SCAF8: variants seen among roughly 807,000 people sequenced by gnomAD.
SCAF8 encodes the protein SR-related and CTD-associated factor 8.
SCAF8 carries 23 observed loss-of-function variants against 140.5 expected under a neutral mutation model. The observed-to-expected ratio is 0.16, with a 90% confidence interval of 0.12 to 0.23. The LOEUF is 0.23. SCAF8 is among the 10% of genes least tolerant of loss of function. SCAF8 has a pLI of 1.00. For synonymous variants in SCAF8, 575 were observed against 528.9 expected, an observed-to-expected ratio of 1.09 and a Z score of -1.20; for missense variants, 1,397 against 1,555.7, an observed-to-expected ratio of 0.90 and a Z score of 1.72.
At chr6:154,742,043 G>A (rs1189539679) in intron 1 of SCAF8, 1 of 1,487,222 alleles carries the variant, frequency 6.7e-7, no homozygotes, top group East Asian at 2.5e-5. Context: ...ACCCACATAA[G>A]GCAGGCCCTT....
intron 1 of SCAF8, among the ~76,000 whole-genome samples, chr6:154,750,363 G>A (rs928133173): frequency 6.6e-6 from 1 of 152,148 alleles, no homozygotes; most frequent in African/African-American, 2.4e-5. Flanking sequence ...TGAGGGGACC[G>A]TGTAGTTGTT....
chr6:154,788,405 C>T (rs1777317566), intron 4 of SCAF8, among the ~76,000 whole-genome samples: 2 of 152,154 alleles, frequency 1.3e-5, no homozygotes, highest in Non-Finnish European at 2.9e-5. Flanking sequence ...AGAACATATC[C>T]TTGTCGTTAA....
At chr6:154,829,283 G>C (rs1298919989) in intron 18 of SCAF8, among the ~76,000 whole-genome samples, 1 of 149,778 alleles carries the variant, frequency 6.7e-6, no homozygotes, top group Non-Finnish European at 1.5e-5. Context: ...AGCTTACTTG[G>C]TTTTGATATC....
chr6:154,734,343 A>T (rs1778351063), intron 1 of SCAF8, among the ~76,000 whole-genome samples: 1 of 152,148 alleles, frequency 6.6e-6, no homozygotes, highest in Non-Finnish European at 1.5e-5. Flanking sequence ...CCGGGTCCTC[A>T]CTGAGGCTAA....
intron 1 of SCAF8, chr6:154,741,968 A>G (rs1275924719): frequency 2.6e-6 from 4 of 1,532,992 alleles, no homozygotes; most frequent in East Asian, 4.9e-5. Context: ...TTGTGCCTCT[A>G]CTCCTGCTTG....
At position 154,733,542 on chromosome 6, in the gene SCAF8, G is replaced by A; in HGVS notation, c.-359G>A. 1 of 1,296,250 alleles carries A rather than the reference G, an allele frequency of 7.7e-7. No homozygotes were observed. Among genetic ancestry groups the A allele is most frequent in the Non-Finnish European group, 9.8e-7 (1 of 1,022,560 alleles). The allele number at this position is 1,296,250 out of a possible 1,614,324, so 80.3% of individuals were successfully genotyped here. A position where few individuals can be genotyped will look rare whatever the true frequency, so the allele number is the denominator to read the frequency against. ...CCGTCGGAGGAAGGGGCAGAAGGGA[G>A]TGGAGAGTGTAGGGGAAGGGGCTAG... On this transcript the variant is annotated 5_prime_UTR_variant, in exon 1 of 20. It adds an upstream start codon to the 5' untranslated region. Transcript: ENST00000367178.
At chr6:154,821,360 G>A (rs908579668) in intron 15 of SCAF8, among the ~76,000 whole-genome samples, 8 of 145,398 alleles carry the variant, frequency 5.5e-5, no homozygotes, top group Admixed American at 4.8e-4. Flanking sequence ...TTTTTTTTTT[G>A]CAATAACAGT....
intron 6 of SCAF8, among the ~76,000 whole-genome samples, chr6:154,795,706 G>A (rs1205847753): frequency 6.6e-6 from 1 of 152,188 alleles, no homozygotes; most frequent in African/African-American, 2.4e-5. Context: ...GCAATGTGGT[G>A]TATTGTAGGA....
At chr6:154,777,915 G>T in intron 2 of SCAF8, 86 bp from the exon 3 acceptor site, 1 of 785,252 alleles carries the variant, frequency 1.3e-6, no homozygotes, top group Non-Finnish European at 2.2e-6. Flanking sequence ...ATAGACCTTT[G>T]GAGCATGTAA....
At chr6:154,778,769 A>ATGTGTG (rs71021079) in intron 3 of SCAF8, among the ~76,000 whole-genome samples, 5,208 of 142,098 alleles carry the variant, frequency 0.037, 114 homozygotes, top group Non-Finnish European at 0.042. Context: ...GTCTCAAAAA[A>ATGTGTG]TGTGTGTGTG....
At position 154,808,053 on chromosome 6, in the gene SCAF8, G is replaced by A. The variant is rs1421623358; in HGVS notation, c.982-17G>A. 1 of 1,602,056 alleles carries A rather than the reference G, an allele frequency of 6.2e-7. No individual in the cohort carries two copies. The highest frequency in any genetic ancestry group is 1.3e-5 in the African/African-American group (1 of 74,366). On this transcript the variant is annotated splice_polypyrimidine_tract_variant and intron_variant, in intron 9 of 19. Coordinates refer to ENST00000367178, the MANE Select transcript of SCAF8 (RefSeq NM_014892.5). ...AGTATCTCCCAATCTTTGTGTGTTTGTATATGTTCTCAATAGGCCACTCCT... is the reference window on the plus strand; with the variant it reads ...AGTATCTCCCAATCTTTGTGTGTTTATATATGTTCTCAATAGGCCACTCCT...
At chr6:154,773,525 G>C (rs952058088) in intron 1 of SCAF8, among the ~76,000 whole-genome samples, 2 of 152,102 alleles carry the variant, frequency 1.3e-5, no homozygotes, top group African/African-American at 4.8e-5. Flanking sequence ...ACGTGTACAG[G>C]TTATTATTAT....
In SCAF8 at chr6:154,750,018, G is replaced by A. The variant is rs145820341; in HGVS notation, c.30+16088G>A. ...GATATGAGGAAGATGGGTGTTGCCA[G>A]GGCTTTGGTTTAAGGTTGATTTAAG... On this transcript the variant is annotated intron_variant, in intron 1 of 19. Coordinates refer to ENST00000367178, the MANE Select transcript of SCAF8 (RefSeq NM_014892.5). 1.8e-4 allele frequency among the ~76,000 whole-genome samples: 28 copies of A among 151,998 alleles called. No homozygotes were observed. The East Asian group carries it at 5.4e-3, about 29-fold the overall frequency.
At chr6:154,749,576 T>C (rs1419994605) in intron 1 of SCAF8, among the ~76,000 whole-genome samples, 1 of 152,194 alleles carries the variant, frequency 6.6e-6, no homozygotes, top group Non-Finnish European at 1.5e-5. Flanking sequence ...CACCTATGTA[T>C]AGTTTGTGTA....
At chr6:154,805,813 C>T (rs1371748038) in intron 9 of SCAF8, among the ~76,000 whole-genome samples, 2 of 152,000 alleles carry the variant, frequency 1.3e-5, no homozygotes, top group Non-Finnish European at 2.9e-5. Context: ...TCAGAATTAC[C>T]ACTTAAAACT....
chr6:154,823,709 T>C (rs1489745408), intron 16 of SCAF8, among the ~76,000 whole-genome samples: 1 of 152,206 alleles, frequency 6.6e-6, no homozygotes, highest in Non-Finnish European at 1.5e-5. Context: ...TAGAAGTATC[T>C]TTCTGTCAGC....
chr6:154,734,495 G>A (rs550949180), intron 1 of SCAF8, among the ~76,000 whole-genome samples: 1 of 152,318 alleles, frequency 6.6e-6, no homozygotes, highest in South Asian at 2.1e-4. Flanking sequence ...TTGGTAGGCA[G>A]GCAAAGGTTA....
chr6:154,810,928 A>G (rs1422002114), intron 12 of SCAF8, among the ~76,000 whole-genome samples: 1 of 152,234 alleles, frequency 6.6e-6, no homozygotes, highest in Non-Finnish European at 1.5e-5. Flanking sequence ...TGTGTTATCT[A>G]ATTTCTGAAG....
intron 13 of SCAF8, among the ~76,000 whole-genome samples, chr6:154,817,715 A>G (rs12191735): frequency 0.07 from 10,727 of 152,320 alleles, 500 homozygotes; most frequent in Middle Eastern, 0.18. Context: ...GTAAGCTTTA[A>G]TAACAGATAT....
Sources: allele counts gnomAD v4.1 joint callset (sites outside exome capture counted in the v4.1 genomes callset), GRCh38; gene constraint gnomAD v4.1.1; transcripts MANE v1.5; gene names NCBI Gene and HGNC (gene_info 2026-07-23, HGNC 2026-07-21).